The following IPMK variants were observed in gnomAD, a reference collection of about 807,000 sequenced individuals.
IPMK encodes the protein inositol 1,3,4,6-tetrakisphosphate 5-kinase.
IPMK carries 17 observed loss-of-function variants against 45.8 expected under a neutral mutation model. That is an observed-to-expected ratio of 0.37 (90% confidence interval 0.25 to 0.56). The LOEUF is 0.56. IPMK is among the 20% of genes least tolerant of loss of function. The pLI is 0.79. For synonymous variants in IPMK, 180 were observed against 184.3 expected (o/e 0.98, Z 0.19); for missense variants, 399 against 498.0 (o/e 0.80, Z 1.89).
At chr10:58,238,833 T>A (rs1838654551) in intron 1 of IPMK, among the ~76,000 whole-genome samples, 1 of 151,212 alleles carries the variant, frequency 6.6e-6, no homozygotes, top group African/African-American at 2.5e-5. Context: ...GATACAGAAA[T>A]CAAGTTTGTT....
At chr10:58,228,306 T>C (rs1564533553) in intron 2 of IPMK, among the ~76,000 whole-genome samples, 1 of 152,128 alleles carries the variant, frequency 6.6e-6, no homozygotes, top group African/African-American at 2.4e-5. Context: ...TAAAAATATA[T>C]ATAGCAGGTC....
chr10:58,244,833 C>A (rs1317177704), intron 1 of IPMK, among the ~76,000 whole-genome samples: 3 of 152,032 alleles, frequency 2.0e-5, no homozygotes, highest in Non-Finnish European at 4.4e-5. Context: ...TAAACAGATG[C>A]TTGAAGACAG....
intron 2 of IPMK, among the ~76,000 whole-genome samples, chr10:58,235,972 A>T (rs1466325081): frequency 6.6e-6 from 1 of 151,394 alleles, no homozygotes; most frequent in African/African-American, 2.4e-5. Flanking sequence ...CTGTCCCCCC[A>T]TGCTGGAGTA....
intron 2 of IPMK, 63 bp downstream of exon 2, chr10:58,237,666 G>C (rs750120659): frequency 1.7e-6 from 2 of 1,201,294 alleles, no homozygotes; most frequent in Admixed American, 3.4e-5. Flanking sequence ...CTTACTGTGA[G>C]TCACCACCAG....
intron 2 of IPMK, among the ~76,000 whole-genome samples, chr10:58,235,021 C>A (rs964377686): frequency 2.0e-5 from 3 of 152,196 alleles, no homozygotes; most frequent in Admixed American, 2.0e-4. Context: ...TGAACAGACA[C>A]TTCTCAAAAG....
intron 4 of IPMK, among the ~76,000 whole-genome samples, chr10:58,211,901 C>CAAAAAAAAAAAAAAAAAAAAAAAA (rs753050298): frequency 0.015 from 739 of 50,324 alleles, 43 homozygotes; most frequent in East Asian, 0.024. Flanking sequence ...GACATCTCAC[C>CAAAAAAAAAAAAAAAAAAAAAAAA]AAAAAAAAAA....
chr10:58,229,580 A>T (rs950287941), intron 2 of IPMK, among the ~76,000 whole-genome samples: 1 of 150,732 alleles, frequency 6.6e-6, no homozygotes, highest in Non-Finnish European at 1.5e-5. Context: ...AAAAAAAAAA[A>T]GTAATCTAAA....
intron 3 of IPMK, among the ~76,000 whole-genome samples, chr10:58,217,678 A>G: frequency 8.1e-6 from 1 of 123,936 alleles, no homozygotes; most frequent in Non-Finnish European, 1.6e-5. Flanking sequence ...ACAAGAGCAA[A>G]ACTCCATCTC....
At chr10:58,239,366 G>A (rs1838663434) in intron 1 of IPMK, among the ~76,000 whole-genome samples, 1 of 152,106 alleles carries the variant, frequency 6.6e-6, no homozygotes, top group Non-Finnish European at 1.5e-5. Flanking sequence ...TTTCTGTGGG[G>A]CTTAAAATGA....
At chr10:58,211,901 CAAAAAA>C (rs753050298) in intron 4 of IPMK, among the ~76,000 whole-genome samples, 51 of 50,374 alleles carry the variant, frequency 1.0e-3, no homozygotes, top group East Asian at 3.8e-3. Flanking sequence ...GACATCTCAC[CAAAAAA>C]AAAAAAAAAA....
chr10:58,199,578 A>G (rs1299994744), intron 4 of IPMK, among the ~76,000 whole-genome samples: 1 of 152,206 alleles, frequency 6.6e-6, no homozygotes. Flanking sequence ...ATCTACCTCA[A>G]CCTACGAGGA....
At chr10:58,256,827 G>A (rs940333247) in intron 1 of IPMK, among the ~76,000 whole-genome samples, 1 of 152,138 alleles carries the variant, frequency 6.6e-6, no homozygotes, top group Non-Finnish European at 1.5e-5. Context: ...TGGTTCCCCC[G>A]AAAGACAAGA....
At chr10:58,226,949 T>A in intron 3 of IPMK, 94 bp downstream of exon 3, 1 of 736,162 alleles carries the variant, frequency 1.4e-6, no homozygotes, top group South Asian at 1.9e-5. Context: ...GTTTTTATAA[T>A]ACATACTCAG....
chr10:58,201,117 A>G (rs1162928509), intron 4 of IPMK, among the ~76,000 whole-genome samples: 1 of 152,252 alleles, frequency 6.6e-6, no homozygotes, highest in Non-Finnish European at 1.5e-5. Context: ...ACATATATGC[A>G]GTATTTGCAT....
chr10:58,232,233 G>A (rs745729712), intron 2 of IPMK, among the ~76,000 whole-genome samples: 2 of 152,146 alleles, frequency 1.3e-5, no homozygotes, highest in Non-Finnish European at 1.5e-5. Context: ...AATAACAATG[G>A]GAGACTTTAA....
At chr10:58,235,720 T>C (rs1342680479) in intron 2 of IPMK, among the ~76,000 whole-genome samples, 1 of 152,006 alleles carries the variant, frequency 6.6e-6, no homozygotes, top group East Asian at 1.9e-4. Context: ...AAATGACGAG[T>C]TGATGGGTGC....
intron 1 of IPMK, among the ~76,000 whole-genome samples, chr10:58,246,337 C>T (rs1193516652): frequency 1.3e-5 from 2 of 148,318 alleles, no homozygotes; most frequent in Non-Finnish European, 3.0e-5. Flanking sequence ...AAAGAGTCCG[C>T]ATCGCCAAGT....
At chr10:58,264,012 AAAAC>A (rs1310812322) in intron 1 of IPMK, among the ~76,000 whole-genome samples, 3 of 152,358 alleles carry the variant, frequency 2.0e-5, no homozygotes, top group Non-Finnish European at 4.4e-5. Context: ...TGTACTGAGA[AAAAC>A]AAATGTGATA....
At chr10:58,251,746 T>C (rs903099917) in intron 1 of IPMK, among the ~76,000 whole-genome samples, 3 of 152,242 alleles carry the variant, frequency 2.0e-5, no homozygotes, top group African/African-American at 7.2e-5. Context: ...ATGGCCTCCT[T>C]TGTCCTCTGT....
Sources: gnomAD v4.1 joint callset for allele counts (sites outside exome capture counted in the v4.1 genomes callset) on GRCh38, gnomAD v4.1.1 for gene constraint, MANE v1.5 for transcripts, NCBI Gene and HGNC (gene_info 2026-07-23, HGNC 2026-07-21) for gene names.